Variants in HS6ST3 observed in about 807,000 individuals in gnomAD.
HS6ST3 encodes heparan-sulfate 6-O-sulfotransferase 3.
In HS6ST3, 12 loss-of-function variants were observed where a neutral mutation model predicts 36.7. The ratio of observed to expected loss-of-function variants is 0.33; its 90% CI spans 0.21 to 0.53. The LOEUF is 0.53. Ranked by LOEUF, HS6ST3 falls within the 20% of genes least tolerant of loss-of-function variation. The pLI, the probability that HS6ST3 is intolerant of heterozygous loss-of-function variation, is 0.95. For missense variants in HS6ST3, 584 were observed against 640.9 expected, an observed-to-expected ratio of 0.91 and a Z score of 0.96; for synonymous variants, 240 against 257.5, an observed-to-expected ratio of 0.93 and a Z score of 0.65.
chr13:96,837,098 C>G lies in HS6ST3; in HGVS notation c.*3900C>G, dbSNP rs900789492. The G allele has an allele frequency of 3.3e-5, 5 of 152,048 alleles. No individual in the cohort carries two copies. The highest frequency in any genetic ancestry group is 1.2e-4 in the African/African-American group (5 of 41,382). 9.4% of individuals were successfully genotyped at this position (152,048 alleles called of 1,614,324 possible). A position where few individuals can be genotyped will look rare whatever the true frequency, so the allele number is the denominator to read the frequency against. ...TGTCTTTATTATTGATTGTCATGTG[C>G]CTTGATAAGCATAGGAGGTTCTGTT... On this transcript the variant is annotated 3_prime_UTR_variant, in exon 2 of 2. Coordinates refer to ENST00000376705, the MANE Select transcript of HS6ST3 (RefSeq NM_153456.4).
chr13:96,675,017 C>G (rs2056694405), intron 1 of HS6ST3, among the ~76,000 whole-genome samples: 1 of 152,126 alleles, frequency 6.6e-6, no homozygotes, highest in African/African-American at 2.4e-5. Flanking sequence ...TGCAGTAGAT[C>G]ATCCATTCCA....
intron 1 of HS6ST3, among the ~76,000 whole-genome samples, chr13:96,423,628 CTG>C (rs1360126227): frequency 2.6e-5 from 4 of 151,676 alleles, no homozygotes; most frequent in Non-Finnish European, 4.4e-5. Context: ...TGCAAAGTCT[CTG>C]TGGAAGGAGC....
chr13:96,713,710 A>C (rs1875623970), intron 1 of HS6ST3, among the ~76,000 whole-genome samples: 1 of 152,070 alleles, frequency 6.6e-6, no homozygotes, highest in Non-Finnish European at 1.5e-5. Flanking sequence ...TTTTTTTTTC[A>C]CATAAAGCCT....
intron 1 of HS6ST3, among the ~76,000 whole-genome samples, chr13:96,599,723 T>C (rs998727566): frequency 6.6e-6 from 1 of 152,100 alleles, no homozygotes; most frequent in Non-Finnish European, 1.5e-5. Flanking sequence ...GGAGTGATGT[T>C]ATGTTGTAAG....
intron 1 of HS6ST3, among the ~76,000 whole-genome samples, chr13:96,761,494 C>T (rs1336516607): frequency 6.6e-6 from 1 of 151,918 alleles, no homozygotes; most frequent in Non-Finnish European, 1.5e-5. Context: ...ATCTAGGCAT[C>T]TACCACCCAG....
chr13:96,320,600 A>T (rs1447324669), intron 1 of HS6ST3, among the ~76,000 whole-genome samples: 1 of 152,126 alleles, frequency 6.6e-6, no homozygotes, highest in Non-Finnish European at 1.5e-5. Flanking sequence ...CACAATGCTG[A>T]TTTCTACTTT....
intron 1 of HS6ST3, among the ~76,000 whole-genome samples, chr13:96,457,669 C>A (rs1403124536): frequency 6.6e-6 from 1 of 152,052 alleles, no homozygotes; most frequent in Non-Finnish European, 1.5e-5. Flanking sequence ...GATGGGCAGA[C>A]AAGACTGCTT....
At chr13:96,364,213 A>G (rs763579004) in intron 1 of HS6ST3, among the ~76,000 whole-genome samples, 5 of 152,176 alleles carry the variant, frequency 3.3e-5, no homozygotes, top group Non-Finnish European at 7.3e-5. Context: ...ACCATGGAAA[A>G]CAGTTTGATG....
intron 1 of HS6ST3, among the ~76,000 whole-genome samples, chr13:96,306,257 C>A (rs917925337): frequency 6.6e-6 from 1 of 152,018 alleles, no homozygotes; most frequent in Non-Finnish European, 1.5e-5. Flanking sequence ...GTGCATGCCA[C>A]CATGCCCAGC....
chr13:96,288,642 G>A (rs983082835), intron 1 of HS6ST3, among the ~76,000 whole-genome samples: 6 of 152,024 alleles, frequency 3.9e-5, no homozygotes, highest in East Asian at 1.9e-4. Flanking sequence ...ATACTTCAGC[G>A]TGATAAAGAC....
At chr13:96,728,891 C>G (rs1876072426) in intron 1 of HS6ST3, among the ~76,000 whole-genome samples, 1 of 152,210 alleles carries the variant, frequency 6.6e-6, no homozygotes, top group African/African-American at 2.4e-5. Flanking sequence ...CTCCTTCATT[C>G]AGTGTAGGTT....
At chr13:96,554,769 G>T (rs2056233215) in intron 1 of HS6ST3, among the ~76,000 whole-genome samples, 1 of 151,944 alleles carries the variant, frequency 6.6e-6, no homozygotes, top group African/African-American at 2.4e-5. Flanking sequence ...GTAGTGTGGG[G>T]ATTGAAAAGT....
chr13:96,772,557 T>A (rs914899303), intron 1 of HS6ST3, among the ~76,000 whole-genome samples: 13 of 152,316 alleles, frequency 8.5e-5, no homozygotes, highest in African/African-American at 3.1e-4. Context: ...AAAAACTTGT[T>A]CTAAGGGCAA....
At chr13:96,604,284 G>A (rs1221536529) in intron 1 of HS6ST3, among the ~76,000 whole-genome samples, 1 of 152,036 alleles carries the variant, frequency 6.6e-6, no homozygotes, top group Admixed American at 6.6e-5. Context: ...CATTTTTACT[G>A]AGTGGAAACA....
intron 1 of HS6ST3, among the ~76,000 whole-genome samples, chr13:96,577,303 A>G (rs1167710164): frequency 1.3e-5 from 2 of 152,166 alleles, no homozygotes; most frequent in Non-Finnish European, 2.9e-5. Flanking sequence ...GCTGAGAATG[A>G]TGGCTTCCAG....
rs569235666 is a variant in HS6ST3, at chr13:96,228,086, T to C, written c.707+136517T>C. Among the ~76,000 whole-genome samples, 14 of 152,310 alleles carry C rather than the reference T, an allele frequency of 9.2e-5. 1 individual carries two copies. Among genetic ancestry groups the C allele is most frequent in the African/African-American group, 3.1e-4 (13 of 41,568 alleles). Reference sequence around the variant, plus strand: ...AGCCTTCTAATAAAGGATCAAGTAGTAGATATTTCAGGCTTTGTGGGCCAT... The same window carrying C: ...AGCCTTCTAATAAAGGATCAAGTAGCAGATATTTCAGGCTTTGTGGGCCAT... On this transcript the variant is annotated intron_variant, in intron 1 of 1. Transcript: ENST00000376705.
intron 1 of HS6ST3, among the ~76,000 whole-genome samples, chr13:96,331,056 G>A (rs1460293477): frequency 6.6e-6 from 1 of 152,026 alleles, no homozygotes. Flanking sequence ...GCACTTCTCT[G>A]TATTGGTTAT....
intron 1 of HS6ST3, among the ~76,000 whole-genome samples, chr13:96,223,544 C>G (rs914914939): frequency 1.1e-4 from 16 of 152,140 alleles, no homozygotes; most frequent in African/African-American, 2.4e-4. Flanking sequence ...AAGAACCTTC[C>G]CTAGCATTGA....
chr13:96,521,698 T>C (rs2056094191), intron 1 of HS6ST3, among the ~76,000 whole-genome samples: 1 of 152,172 alleles, frequency 6.6e-6, no homozygotes. Flanking sequence ...GGTGGTGATA[T>C]CCCCTTTATC....
Sources: gnomAD v4.1 joint callset for allele counts (sites outside exome capture counted in the v4.1 genomes callset) on GRCh38, gnomAD v4.1.1 for gene constraint, MANE v1.5 for transcripts, NCBI Gene and HGNC (gene_info 2026-07-23, HGNC 2026-07-21) for gene names.